Variants in CERT1 observed in about 807,000 individuals in gnomAD.
The protein encoded by CERT1 is ceramide transporter 1, also known as ceramide transfer protein.
A neutral mutation model predicts 87.9 loss-of-function variants in CERT1; 31 were observed. The ratio of observed to expected loss-of-function variants is 0.35; its 90% CI spans 0.27 to 0.48. The LOEUF is 0.48. Ranked by LOEUF, CERT1 falls within the 20% of genes least tolerant of loss-of-function variation. The pLI, the probability that CERT1 is intolerant of heterozygous loss-of-function variation, is 0.99. For synonymous variants in CERT1, 289 were observed against 250.9 expected (o/e 1.15, Z -1.44); for missense variants, 487 against 758.0 (o/e 0.64, Z 4.20).
At chr5:75,468,367 A>C (rs1202572708) in intron 2 of CERT1, among the ~76,000 whole-genome samples, 1 of 152,186 alleles carries the variant, frequency 6.6e-6, no homozygotes, top group African/African-American at 2.4e-5. Context: ...ATGCAGAGAT[A>C]TCTCCTCTGC....
At chr5:75,448,761 C>T (rs1462677223) in intron 3 of CERT1, among the ~76,000 whole-genome samples, 2 of 152,084 alleles carry the variant, frequency 1.3e-5, no homozygotes, top group East Asian at 1.9e-4. Context: ...ATTTAAATAC[C>T]ACATTAGGGC....
At position 75,511,579 on chromosome 5, in the gene CERT1, T is replaced by C. The variant is rs1046844894; in HGVS notation, c.-372A>G. On this transcript the variant is annotated 5_prime_UTR_variant, in exon 1 of 17. Coordinates refer to ENST00000643780, the MANE Select transcript of CERT1 (RefSeq NM_001379029.1). The stretch of plus-strand genomic sequence containing the variant: ...GAAAATCCGGCCGCTGAGTCCCGCG[T>C]CCACTCACACCTCCGCTACCGCCGC... The C allele has an allele frequency of 9.6e-5, 141 of 1,462,648 alleles. No homozygotes were observed. The highest frequency in any genetic ancestry group is 1.2e-4 in the Non-Finnish European group (135 of 1,108,574). The allele number at this position is 1,462,648 out of a possible 1,614,324, so 90.6% of individuals were successfully genotyped here.
chr5:75,490,173 A>C (rs558570100), intron 2 of CERT1, among the ~76,000 whole-genome samples: 1 of 152,302 alleles, frequency 6.6e-6, no homozygotes, highest in South Asian at 2.1e-4. Flanking sequence ...AGGGATGGGA[A>C]CATCACACGC....
chr5:75,392,052 A>T (rs1762045196), intron 11 of CERT1, among the ~76,000 whole-genome samples: 1 of 152,208 alleles, frequency 6.6e-6, no homozygotes, highest in African/African-American at 2.4e-5. Flanking sequence ...TTGGGAGATT[A>T]TTCTGAATTA....
chr5:75,394,875 C>T (rs952293945), intron 11 of CERT1, among the ~76,000 whole-genome samples: 1 of 151,972 alleles, frequency 6.6e-6, no homozygotes, highest in African/African-American at 2.4e-5. Context: ...AAAAATCAGG[C>T]ACATATGGAT....
At chr5:75,461,490 G>A (rs1238787689) in intron 2 of CERT1, among the ~76,000 whole-genome samples, 2 of 152,136 alleles carry the variant, frequency 1.3e-5, no homozygotes, top group East Asian at 3.9e-4. Context: ...ACCAAATAAA[G>A]TAAAGCAGAT....
chr5:75,456,274 C>T (rs528022041), intron 3 of CERT1, among the ~76,000 whole-genome samples: 1 of 152,214 alleles, frequency 6.6e-6, no homozygotes, highest in African/African-American at 2.4e-5. Context: ...TGATAGGCTG[C>T]TCAGTTGGCA....
chr5:75,406,903 A>G (rs1473221041), intron 8 of CERT1, among the ~76,000 whole-genome samples: 1 of 152,214 alleles, frequency 6.6e-6, no homozygotes, highest in Non-Finnish European at 1.5e-5. Flanking sequence ...CTGAGGCTAC[A>G]GAAGTCAGAA....
chr5:75,474,213 C>T (rs560387902), intron 2 of CERT1, among the ~76,000 whole-genome samples: 1 of 152,270 alleles, frequency 6.6e-6, no homozygotes, highest in Non-Finnish European at 1.5e-5. Context: ...GTCACGTACC[C>T]CCTGCTTGCT....
At chr5:75,389,266 A>G (rs1461741605) in intron 12 of CERT1, among the ~76,000 whole-genome samples, 1 of 152,226 alleles carries the variant, frequency 6.6e-6, no homozygotes, top group African/African-American at 2.4e-5. Flanking sequence ...AAAACAAAAC[A>G]AAAGGAAATA....
chr5:75,425,987 A>G (rs1365974284), intron 4 of CERT1, among the ~76,000 whole-genome samples: 1 of 152,210 alleles, frequency 6.6e-6, no homozygotes, highest in African/African-American at 2.4e-5. Context: ...CAACTCTTTT[A>G]GTAAAAAACT....
intron 2 of CERT1, among the ~76,000 whole-genome samples, chr5:75,486,164 T>A (rs538480384): frequency 3.3e-5 from 5 of 152,268 alleles, no homozygotes; most frequent in African/African-American, 1.2e-4. Flanking sequence ...CATGACCACA[T>A]GGAATTTATC....
chr5:75,425,838 T>C (rs1353104316), intron 4 of CERT1, among the ~76,000 whole-genome samples: 1 of 152,264 alleles, frequency 6.6e-6, no homozygotes, highest in Non-Finnish European at 1.5e-5. Context: ...GTGGAACAAC[T>C]GTGAAAGACT....
At chr5:75,468,698 G>A (rs1330180015) in intron 2 of CERT1, among the ~76,000 whole-genome samples, 1 of 152,154 alleles carries the variant, frequency 6.6e-6, no homozygotes, top group Non-Finnish European at 1.5e-5. Context: ...CTAGTCTATT[G>A]TTATACTGAC....
upstream of CERT1, chr5:75,511,829 T>A (rs533354077): frequency 1.4e-5 from 21 of 1,550,700 alleles, no homozygotes; most frequent in Non-Finnish European, 1.7e-6. Flanking sequence ...GGGGTAGGGA[T>A]GCAGCTGTGC....
intron 3 of CERT1, among the ~76,000 whole-genome samples, chr5:75,447,776 CTT>C (rs879565966): frequency 2.7e-5 from 4 of 145,666 alleles, no homozygotes; most frequent in African/African-American, 5.0e-5. Flanking sequence ...ACCCGGCCTC[CTT>C]TTTTTTTTTG....
chr5:75,375,179 T>C (rs1761244678), downstream of CERT1: 1 of 157,694 alleles, frequency 6.3e-6, no homozygotes, highest in Non-Finnish European at 1.4e-5. Flanking sequence ...ATAAAAATTA[T>C]GACATACAAT....
chr5:75,425,884 A>C (rs1267517522), intron 4 of CERT1, among the ~76,000 whole-genome samples: 1 of 152,252 alleles, frequency 6.6e-6, no homozygotes, highest in Non-Finnish European at 1.5e-5. Flanking sequence ...TGTCCTTTCA[A>C]AGTAATGGTG....
intron 3 of CERT1, among the ~76,000 whole-genome samples, chr5:75,443,950 A>C (rs1424663974): frequency 6.6e-6 from 1 of 152,216 alleles, no homozygotes; most frequent in African/African-American, 2.4e-5. Flanking sequence ...TGATATTACT[A>C]TAGCTAACCC....
Sources: allele counts gnomAD v4.1 joint callset (sites outside exome capture counted in the v4.1 genomes callset), GRCh38; gene constraint gnomAD v4.1.1; transcripts MANE v1.5; gene names NCBI Gene and HGNC (gene_info 2026-07-23, HGNC 2026-07-21).